Variants in SGCD observed in about 807,000 individuals in gnomAD.
SGCD encodes the protein delta-sarcoglycan.
A neutral mutation model predicts 36.6 loss-of-function variants in SGCD; 18 were observed. The observed-to-expected ratio is 0.49, with a 90% CI of 0.34 to 0.73. The LOEUF (loss-of-function observed/expected upper bound fraction) is 0.73, where lower values mean the gene tolerates loss of function less well. Among genes scored for constraint, SGCD ranks in the 30% least tolerant of loss-of-function variants. SGCD has a pLI of 0.01. For synonymous variants in SGCD, 133 were observed against 130.6 expected, an observed-to-expected ratio of 1.02 and a Z score of -0.12; for missense variants, 387 against 346.7, an observed-to-expected ratio of 1.12 and a Z score of -0.92.
intron 1 of SGCD, among the ~76,000 whole-genome samples, chr5:155,955,985 GAGA>G (rs1045579315): frequency 4.6e-5 from 7 of 152,076 alleles, no homozygotes; most frequent in African/African-American, 1.2e-4. Context: ...TAATTCAAAG[GAGA>G]AGGAGTCAGT....
chr5:156,114,165 G>A (rs968480660), intron 1 of SGCD, among the ~76,000 whole-genome samples: 1 of 152,096 alleles, frequency 6.6e-6, no homozygotes, highest in African/African-American at 2.4e-5. Context: ...GGATAATTGT[G>A]TGTCAGTGTA....
At chr5:155,910,272 T>A (rs1756603660) in intron 1 of SGCD, among the ~76,000 whole-genome samples, 1 of 152,098 alleles carries the variant, frequency 6.6e-6, no homozygotes, top group South Asian at 2.1e-4. Flanking sequence ...AAATTTTTCC[T>A]TTACTAAATA....
intron 3 of SGCD, among the ~76,000 whole-genome samples, chr5:156,207,482 C>A (rs1764311836): frequency 1.3e-5 from 2 of 152,104 alleles, no homozygotes; most frequent in African/African-American, 4.8e-5. Context: ...TCAATCTTTG[C>A]TGTCTACATT....
intron 3 of SGCD, among the ~76,000 whole-genome samples, chr5:156,168,262 G>T (rs1344333902): frequency 6.6e-6 from 1 of 152,062 alleles, no homozygotes; most frequent in African/African-American, 2.4e-5. Flanking sequence ...ATCATATTGT[G>T]CAAACTAGAA....
chr5:156,652,836 A>C (rs1043785616), intron 7 of SGCD, among the ~76,000 whole-genome samples: 4 of 151,866 alleles, frequency 2.6e-5, no homozygotes, highest in Non-Finnish European at 5.9e-5. Flanking sequence ...TGCTTTTTCT[A>C]TATCTCTTGA....
rs908795042 is a variant in SGCD, at chr5:156,049,007, T to G, written c.-281-68871T>G. On this transcript the variant is annotated intron_variant, in intron 1 of 9. Coordinates refer to the SGCD transcript ENST00000517913. ...ATCTTGAATTAATTTTTGTATAAGG[T>G]GTAAGGAAGGGATCCAGTTTCAGCT... 4.1e-5 allele frequency among the ~76,000 whole-genome samples: 6 copies of G among 147,186 alleles called. 1 individual carries two copies. Among genetic ancestry groups the G allele is most frequent in the Non-Finnish European group, 7.7e-5 (5 of 65,226 alleles).
chr5:156,266,525 T>G (rs1766003931), intron 3 of SGCD, among the ~76,000 whole-genome samples: 1 of 152,210 alleles, frequency 6.6e-6, no homozygotes, highest in Admixed American at 6.5e-5. Context: ...ATTCTTTCAC[T>G]CATGCTGGGT....
chr5:156,360,079 G>T (rs1021626585), intron 3 of SGCD, among the ~76,000 whole-genome samples: 1 of 152,134 alleles, frequency 6.6e-6, no homozygotes, highest in Non-Finnish European at 1.5e-5. Flanking sequence ...ACAGGGGCGG[G>T]TCCCCACTGA....
chr5:156,320,844 A>G (rs537612098), intron 3 of SGCD, among the ~76,000 whole-genome samples: 10 of 152,362 alleles, frequency 6.6e-5, no homozygotes, highest in African/African-American at 2.4e-4. Context: ...TGTCTCTTCA[A>G]AGTCAGTCAG....
chr5:155,998,707 T>C (rs186695378), intron 1 of SGCD, among the ~76,000 whole-genome samples: 24 of 152,330 alleles, frequency 1.6e-4, no homozygotes, highest in Admixed American at 8.5e-4. Flanking sequence ...AACCAGTGTA[T>C]ATAAAATTTC....
chr5:156,736,958 A>C (rs770531045), intron 7 of SGCD, among the ~76,000 whole-genome samples: 28 of 152,128 alleles, frequency 1.8e-4, no homozygotes, highest in Non-Finnish European at 3.8e-4. Flanking sequence ...TCATGTTACC[A>C]TTTTCACTAA....
chr5:156,507,999 G>A (rs1038866133), intron 3 of SGCD, among the ~76,000 whole-genome samples: 1 of 152,152 alleles, frequency 6.6e-6, no homozygotes, highest in Non-Finnish European at 1.5e-5. Flanking sequence ...GGGAGTGTAG[G>A]TGGCAGTAAT....
the SGCD span, among the ~76,000 whole-genome samples, chr5:155,763,491 A>G: frequency 6.6e-6 from 1 of 152,178 alleles, no homozygotes; most frequent in East Asian, 1.9e-4. Flanking sequence ...TCCCAACAAG[A>G]TGGGCATTCC....
At chr5:156,199,583 A>C (rs928697263) in intron 3 of SGCD, among the ~76,000 whole-genome samples, 25 of 152,272 alleles carry the variant, frequency 1.6e-4, no homozygotes, top group African/African-American at 5.3e-4. Context: ...CCCTACTCCA[A>C]GTCAGACTTC....
intron 1 of SGCD, among the ~76,000 whole-genome samples, chr5:155,979,981 C>T (rs1581024555): frequency 6.6e-6 from 1 of 152,014 alleles, no homozygotes. Context: ...AGGGTTCCAC[C>T]TTCATGACCT....
intron 4 of SGCD, among the ~76,000 whole-genome samples, chr5:156,529,786 A>C (rs967597444): frequency 6.6e-6 from 1 of 152,218 alleles, no homozygotes; most frequent in Non-Finnish European, 1.5e-5. Flanking sequence ...ATCAGCAGCT[A>C]AGTGTAACCT....
At chr5:156,328,982 G>A (rs1767941912) in intron 1 of SGCD, among the ~76,000 whole-genome samples, 1 of 152,142 alleles carries the variant, frequency 6.6e-6, no homozygotes. Flanking sequence ...TATATTTAGC[G>A]TGCGTCAAGC....
At chr5:156,623,516 C>T (rs146109000) in intron 6 of SGCD, among the ~76,000 whole-genome samples, 163 of 152,324 alleles carry the variant, frequency 1.1e-3, no homozygotes, top group African/African-American at 3.9e-3. Context: ...AGAAGCTGAG[C>T]ATATGAGGAA....
intron 1 of SGCD, among the ~76,000 whole-genome samples, chr5:155,891,351 T>C (rs1173995809): frequency 6.6e-6 from 1 of 152,140 alleles, no homozygotes; most frequent in African/African-American, 2.4e-5. Context: ...AGCTGAGTGG[T>C]CTTGAGCAGT....
Sources: gnomAD v4.1 joint callset for allele counts (sites outside exome capture counted in the v4.1 genomes callset) on GRCh38, gnomAD v4.1.1 for gene constraint, MANE v1.5 for transcripts, NCBI Gene and HGNC (gene_info 2026-07-23, HGNC 2026-07-21) for gene names.